Variants in EIF5B observed in about 807,000 individuals in gnomAD.
EIF5B encodes eukaryotic translation initiation factor 5B.
A neutral mutation model predicts 147.5 loss-of-function variants in EIF5B; 47 were observed. The ratio of observed to expected loss-of-function variants is 0.32; its 90% confidence interval spans 0.25 to 0.41. The LOEUF is 0.41. Ranked by LOEUF, EIF5B falls within the 10% of genes least tolerant of loss-of-function variation. The probability of loss-of-function intolerance (pLI) is 1.00; values close to 1 mark genes in which losing one functional copy is unlikely to be tolerated. For missense variants in EIF5B, 1,064 were observed against 1,413.2 expected, an observed-to-expected ratio of 0.75 and a Z score of 3.96; for synonymous variants, 455 against 456.2, an observed-to-expected ratio of 1.00 and a Z score of 0.03.
rs1468579094 is a variant in EIF5B at position 99,390,379 on chromosome 2, A to G, written c.2564A>G (p.Glu855Gly). ...AGCAAGAGACTTGCACACTGTGAAG[A>G]GCTGAGAGCACAGGTGATGGAGGTA... is the stretch of plus-strand genomic sequence containing the variant. The part of the protein sequence containing the change: ...MLSKRLAHCE[E>G]LRAQVMEVKA... The change falls in exon 16 of 24, where the codon GAG becomes GGG. Residue 855 changes from glutamate (E) to glycine (G), a missense_variant. Physicochemically the swap from Glu to Gly is moderately conservative, Grantham distance 98 (BLOSUM62 -2). Transcript: ENST00000289371. 2 of 1,613,110 alleles carry G rather than the reference A, an allele frequency of 1.2e-6. No individual in the cohort carries two copies. Among genetic ancestry groups the G allele is most frequent in the East Asian group, 2.2e-5 (1 of 44,836 alleles).
intron 1 of EIF5B, among the ~76,000 whole-genome samples, chr2:99,355,148 T>C (rs1674068819): frequency 6.6e-6 from 1 of 152,162 alleles, no homozygotes; most frequent in South Asian, 2.1e-4. Context: ...TTCTCTCTCT[T>C]CTCGTCTTGA....
chr2:99,394,220 G>T, intron 18 of EIF5B, 47 bp from the exon 19 acceptor site: 7 of 1,573,624 alleles, frequency 4.4e-6, no homozygotes, highest in Non-Finnish European at 6.0e-6. Flanking sequence ...AGACTGCTGA[G>T]GATAGAGGTG....
chr2:99,355,271 C>A lies in EIF5B; in HGVS notation c.36-4965C>A, dbSNP rs114408758. Among the ~76,000 whole-genome samples the A allele has an allele frequency of 9.9e-3, 1,502 of 152,198 alleles. 22 individuals carry two copies. Among genetic ancestry groups the A allele is most frequent in the Middle Eastern group, 0.02 (6 of 294 alleles). On this transcript the variant is annotated intron_variant, in intron 1 of 23. Coordinates refer to ENST00000289371, the MANE Select transcript of EIF5B (RefSeq NM_015904.4). The stretch of plus-strand genomic sequence containing the variant: ...AAAATTGGTTTAGCTATTCTAGTTT[C>A]TTTGCCTTTTCATATAAATATTAGA...
rs1446712642 is a variant in EIF5B, at chr2:99,401,076, A to T, written c.*1662A>T. 18 of 485,574 alleles carry T rather than the reference A, an allele frequency of 3.7e-5. No homozygotes were observed. Among genetic ancestry groups the T allele is most frequent in the Non-Finnish European group, 6.3e-5 (17 of 269,886 alleles). The allele number at this position is 485,574 out of a possible 1,614,324, so 30.1% of individuals were successfully genotyped here. On this transcript the variant is annotated 3_prime_UTR_variant, in exon 24 of 24. Transcript: ENST00000289371. ...ATAATTAACACAATTATTTACATGC[A>T]ATACTGACAAATTTGGCACTTTTTG...
chr2:99,363,321 C>T (rs1448316012), intron 4 of EIF5B, among the ~76,000 whole-genome samples: 2 of 152,182 alleles, frequency 1.3e-5, no homozygotes, highest in African/African-American at 4.8e-5. Flanking sequence ...GGACACCAGC[C>T]ACTCAGGTAC....
chr2:99,397,067 A>G, intron 22 of EIF5B, 169 bp downstream of exon 22: 1 of 670,690 alleles, frequency 1.5e-6, no homozygotes, highest in South Asian at 3.7e-5. Flanking sequence ...CAGTAGGAAG[A>G]AAATGTGGTA....
Position 99,401,033 on chromosome 2 carries a change from A to G in EIF5B, c.*1619A>G. ...TTATAAACAAACATTTTGTAAATAG[A>G]ATCTATGCTACAGTAAAATAATTAA... On this transcript the variant is annotated 3_prime_UTR_variant, in exon 24 of 24. Transcript: ENST00000289371. 1 of 361,196 alleles carries G rather than the reference A, an allele frequency of 2.8e-6. No homozygotes were observed. Among genetic ancestry groups the G allele is most frequent in the Non-Finnish European group, 5.0e-6 (1 of 198,492 alleles). The allele number at this position is 361,196 out of a possible 1,614,324, so 22.4% of individuals were successfully genotyped here. A position where few individuals can be genotyped will look rare whatever the true frequency, so the allele number is the denominator to read the frequency against.
At chr2:99,349,400 A>G (rs1381312910) in intron 1 of EIF5B, among the ~76,000 whole-genome samples, 1 of 152,262 alleles carries the variant, frequency 6.6e-6, no homozygotes, top group Non-Finnish European at 1.5e-5. Flanking sequence ...ACCTGTCATT[A>G]TCAAATGAAA....
At chr2:99,352,798 T>C (rs888929787) in intron 1 of EIF5B, among the ~76,000 whole-genome samples, 5 of 151,932 alleles carry the variant, frequency 3.3e-5, no homozygotes, top group Admixed American at 6.6e-5. Context: ...GTGTCTTTTT[T>C]AAAGTTAAAC....
intron 1 of EIF5B, chr2:99,338,234 AAACC>A (rs2094248813): frequency 3.7e-6 from 4 of 1,067,236 alleles, no homozygotes; most frequent in Non-Finnish European, 5.1e-6. Flanking sequence ...GAAGAAGAAG[AAACC>A]AACCAACCGA....
chr2:99,379,005 T>A lies in EIF5B; in HGVS notation c.1843-14T>A. 6.7e-7 allele frequency: 1 copy of A among 1,499,696 alleles called. No individual in the cohort carries two copies. Among genetic ancestry groups the A allele is most frequent in the Non-Finnish European group, 8.9e-7 (1 of 1,121,630 alleles). The allele number at this position is 1,499,696 out of a possible 1,614,324, so 92.9% of individuals were successfully genotyped here. ...AATATTTAATTTTTGATTTTTTTTT[T>A]TTTTTATTTCTAGAAACGGCGACTT... On this transcript the variant is annotated splice_polypyrimidine_tract_variant and intron_variant, in intron 10 of 23. Transcript: ENST00000289371.
chr2:99,346,589 C>CTTTTTTTTT (rs773411395), intron 1 of EIF5B, among the ~76,000 whole-genome samples: 1 of 61,648 alleles, frequency 1.6e-5, no homozygotes, highest in Non-Finnish European at 2.7e-5. Context: ...AGTTGTATCT[C>CTTTTTTTTT]TTTTTTTTTT....
In EIF5B at chr2:99,387,747, C is replaced by G. The variant is rs1260625329; in HGVS notation, c.2272-1971C>G. Among the ~76,000 whole-genome samples the G allele has an allele frequency of 1.2e-4, 18 of 152,182 alleles. 1 individual carries two copies. The highest frequency in any genetic ancestry group is 1.2e-3 in the Admixed American group (18 of 15,278). On this transcript the variant is annotated intron_variant, in intron 14 of 23. Transcript: ENST00000289371. ...TGTAGATAAATTTTGAGAGAATTGGCTCTTTTAGCAATATTGCATCTTTTG... is the reference window on the plus strand; with the variant it reads ...TGTAGATAAATTTTGAGAGAATTGGGTCTTTTAGCAATATTGCATCTTTTG...
chr2:99,397,863 C>G (rs1675090640), intron 22 of EIF5B: 2 of 152,066 alleles, frequency 1.3e-5, no homozygotes, highest in Admixed American at 1.3e-4. Flanking sequence ...TGTGGATATA[C>G]CTGTCCCCCC....
intron 12 of EIF5B, 110 bp downstream of exon 12, chr2:99,379,538 C>T: frequency 1.3e-6 from 1 of 753,430 alleles, no homozygotes; most frequent in Non-Finnish European, 2.1e-6. Flanking sequence ...ATATACTCAC[C>T]ATTCAGAATT....
intron 12 of EIF5B, among the ~76,000 whole-genome samples, chr2:99,380,452 C>T (rs933504528): frequency 1.3e-5 from 2 of 152,110 alleles, no homozygotes; most frequent in African/African-American, 4.8e-5. Context: ...CCATCTTTGC[C>T]CAGTGGTTGG....
chr2:99,399,172 C>T, intron 23 of EIF5B, 135 bp from the exon 24 acceptor site: 1 of 883,004 alleles, frequency 1.1e-6, no homozygotes, highest in Non-Finnish European at 1.7e-6. Context: ...AATTCTACTC[C>T]CTTAGGCAGG....
intron 14 of EIF5B, 72 bp downstream of exon 14, chr2:99,382,993 A>G: frequency 1.4e-6 from 2 of 1,456,816 alleles, no homozygotes; most frequent in Middle Eastern, 2.2e-4. Flanking sequence ...AAAAAGTAGT[A>G]TAATTAACTT....
chr2:99,398,558 G>T lies in EIF5B; in HGVS notation c.3394-190G>T, dbSNP rs1675116997. 5.7e-6 allele frequency: 3 copies of T among 525,212 alleles called. No individual in the cohort carries two copies. In the South Asian group the frequency reaches 8.5e-5, roughly 15 times the overall value. 32.5% of individuals were successfully genotyped at this position (525,212 alleles called of 1,614,324 possible). On this transcript the variant is annotated intron_variant, in intron 22 of 23. Transcript: ENST00000289371. The stretch of plus-strand genomic sequence containing the variant: ...CTCCTGTCATTCTTACAACCATCAT[G>T]AAGGGAATAGGGTGTTGGTGGTGCC...
Sources: gnomAD v4.1 joint callset for allele counts (sites outside exome capture counted in the v4.1 genomes callset) on GRCh38, gnomAD v4.1.1 for gene constraint, MANE v1.5 for transcripts, NCBI Gene and HGNC (gene_info 2026-07-23, HGNC 2026-07-21) for gene names.